RIT2: variants seen among roughly 807,000 people sequenced by gnomAD.
The protein encoded by RIT2 is Ras like without CAAX 2.
In RIT2, 24 loss-of-function variants were observed where a neutral mutation model predicts 23.7. The ratio of observed to expected loss-of-function variants is 1.01; its 90% CI spans 0.73 to 1.43. RIT2 has a LOEUF of 1.43. Among genes scored for constraint, RIT2 ranks in the 40% most tolerant of loss-of-function variants. The pLI, the probability that RIT2 is intolerant of heterozygous loss-of-function variation, is 0.00. For missense variants in RIT2, 236 were observed against 266.9 expected, an observed-to-expected ratio of 0.88 and a Z score of 0.81; for synonymous variants, 107 against 91.1, an observed-to-expected ratio of 1.17 and a Z score of -0.99.
At chr18:42,801,243 C>T (rs1245320321) in intron 4 of RIT2, among the ~76,000 whole-genome samples, 1 of 152,170 alleles carries the variant, frequency 6.6e-6, no homozygotes. Context: ...TCAGCCTTGA[C>T]TAATCCCAGA....
intron 1 of RIT2, among the ~76,000 whole-genome samples, chr18:43,087,108 G>T (rs1347247451): frequency 6.6e-6 from 1 of 151,922 alleles, no homozygotes; most frequent in East Asian, 1.9e-4. Context: ...AAATTAGCTG[G>T]GTGTGGTAGC....
chr18:42,992,230 C>A (rs549745116), intron 2 of RIT2, among the ~76,000 whole-genome samples: 7 of 152,118 alleles, frequency 4.6e-5, no homozygotes, highest in Non-Finnish European at 8.8e-5. Flanking sequence ...AACCTAAATG[C>A]CTTATTTTCT....
intron 1 of RIT2, among the ~76,000 whole-genome samples, chr18:43,049,972 CTTT>C (rs755291383): frequency 2.4e-4 from 16 of 66,008 alleles, no homozygotes; most frequent in African/African-American, 7.2e-4. Flanking sequence ...AAGGGATTTC[CTTT>C]TTTTTTTTTT....
chr18:42,917,246 G>A (rs1011879577), intron 4 of RIT2, among the ~76,000 whole-genome samples: 2 of 151,986 alleles, frequency 1.3e-5, no homozygotes, highest in African/African-American at 4.8e-5. Context: ...TTCAAACCCA[G>A]GACTATCTGA....
intron 3 of RIT2, among the ~76,000 whole-genome samples, chr18:42,941,585 T>A (rs545886885): frequency 6.6e-6 from 1 of 152,126 alleles, no homozygotes; most frequent in Non-Finnish European, 1.5e-5. Flanking sequence ...AAAGTGATAA[T>A]AATCCCTACT....
At chr18:42,789,514 T>C (rs1006060084) in intron 4 of RIT2, among the ~76,000 whole-genome samples, 4 of 152,222 alleles carry the variant, frequency 2.6e-5, no homozygotes, top group African/African-American at 2.4e-5. Flanking sequence ...ATTTCATTGA[T>C]GTTTTGCAGT....
chr18:42,999,113 C>A (rs190088847), intron 2 of RIT2, among the ~76,000 whole-genome samples: 185 of 152,116 alleles, frequency 1.2e-3, no homozygotes, highest in Middle Eastern at 3.4e-3. Context: ...AGCAAATTTA[C>A]AACTAAAGAG....
chr18:43,053,865 A>G (rs1912440039), intron 1 of RIT2, among the ~76,000 whole-genome samples: 2 of 152,112 alleles, frequency 1.3e-5, no homozygotes, highest in Admixed American at 1.3e-4. Context: ...ATATCCATTT[A>G]ACAGCAGAAA....
intron 3 of RIT2, among the ~76,000 whole-genome samples, chr18:42,931,686 A>G (rs1447663459): frequency 6.6e-6 from 1 of 152,096 alleles, no homozygotes; most frequent in Non-Finnish European, 1.5e-5. Context: ...GGTCACTCAT[A>G]CTGGGAGCTG....
At chr18:42,961,729 A>G (rs558752877) in intron 3 of RIT2, among the ~76,000 whole-genome samples, 2 of 152,256 alleles carry the variant, frequency 1.3e-5, no homozygotes, top group East Asian at 3.9e-4. Flanking sequence ...TATTTAGGCT[A>G]CATTTTCTAT....
chr18:42,836,996 T>C (rs1045921622), intron 4 of RIT2, among the ~76,000 whole-genome samples: 4 of 152,088 alleles, frequency 2.6e-5, no homozygotes, highest in Non-Finnish European at 5.9e-5. Context: ...TGGAGACAGC[T>C]GTCGTTTTCT....
At chr18:42,940,821 A>T (rs754161649) in intron 3 of RIT2, among the ~76,000 whole-genome samples, 1 of 152,122 alleles carries the variant, frequency 6.6e-6, no homozygotes, top group Non-Finnish European at 1.5e-5. Context: ...ACTCCACTTA[A>T]CTCTTAATTC....
intron 3 of RIT2, among the ~76,000 whole-genome samples, chr18:42,929,034 G>GATATATATAGATATAGATATATAT (rs1555647356): frequency 3.1e-5 from 3 of 96,956 alleles, no homozygotes; most frequent in Non-Finnish European, 5.8e-5. Flanking sequence ...AAAATATGGA[G>GATATATATAGATATAGATATATAT]ATATATATAT....
At chr18:42,824,501 C>T (rs1332309582) in intron 4 of RIT2, among the ~76,000 whole-genome samples, 2 of 151,976 alleles carry the variant, frequency 1.3e-5, no homozygotes, top group Non-Finnish European at 2.9e-5. Flanking sequence ...CATTTCATTG[C>T]TACTTTTCAA....
At chr18:42,837,153 CTTTTTTTTTTTTTTTTTTTTTT>C (rs570701535) in intron 4 of RIT2, among the ~76,000 whole-genome samples, 4 of 51,682 alleles carry the variant, frequency 7.7e-5, no homozygotes, top group Admixed American at 3.7e-4. Context: ...TTTTCTTTTT[CTTTTTTTTTTTTTTTTTTTTTT>C]TTTTTTTTTT....
rs374260413 is a variant in RIT2, at chr18:42,788,622, AG to A, written c.427-44903del. Among the ~76,000 whole-genome samples the A allele has an allele frequency of 6.6e-3, 1,012 of 152,302 alleles. 11 individuals are homozygous for A. The highest frequency in any genetic ancestry group is 0.023 in the African/African-American group (969 of 41,568). ...ATATCACCACCAATTTTGTCAGAAAAGTTTTTAAGTATTGGAAACCTCTCCA... is the reference window on the plus strand; with the variant it reads ...ATATCACCACCAATTTTGTCAGAAAATTTTTAAGTATTGGAAACCTCTCCA... On this transcript the variant is annotated intron_variant, in intron 4 of 4. Transcript: ENST00000326695.
intron 4 of RIT2, among the ~76,000 whole-genome samples, chr18:42,883,457 C>T (rs1164069914): frequency 6.6e-6 from 1 of 152,122 alleles, no homozygotes; most frequent in Non-Finnish European, 1.5e-5. Flanking sequence ...AGAAATTGGA[C>T]ATTAGAGACT....
chr18:42,857,256 G>A (rs1907212305), intron 4 of RIT2, among the ~76,000 whole-genome samples: 2 of 152,158 alleles, frequency 1.3e-5, no homozygotes, highest in African/African-American at 2.4e-5. Context: ...TAAAATATCT[G>A]TAGCTTTATA....
chr18:43,077,044 AG>A (rs1384116757), intron 1 of RIT2, among the ~76,000 whole-genome samples: 3 of 140,592 alleles, frequency 2.1e-5, no homozygotes, highest in African/African-American at 7.9e-5. Context: ...CGGAGCTTGC[AG>A]TGAGCCGAGA....
Sources: allele counts gnomAD v4.1 joint callset (sites outside exome capture counted in the v4.1 genomes callset), GRCh38; gene constraint gnomAD v4.1.1; transcripts MANE v1.5; gene names NCBI Gene and HGNC (gene_info 2026-07-23, HGNC 2026-07-21).